TMEM114: variants seen among roughly 807,000 people sequenced by gnomAD.
TMEM114 encodes the protein claudin-26.
TMEM114 carries 6 observed loss-of-function variants against 6.2 expected under a neutral mutation model. The ratio of observed to expected loss-of-function variants is 0.97; its 90% CI spans 0.53 to 1.91. The LOEUF is 1.91. TMEM114 is among the 40% of genes most tolerant of loss of function. The probability of loss-of-function intolerance (pLI) is 0.01; values close to 1 mark genes in which losing one functional copy is unlikely to be tolerated. For synonymous variants in TMEM114, 104 were observed against 73.0 expected (o/e 1.42, Z -2.16); for missense variants, 218 against 158.3 (o/e 1.38, Z -2.02).
intron 2 of TMEM114, among the ~76,000 whole-genome samples, chr16:8,559,320 G>A (rs561022461): frequency 2.6e-5 from 4 of 152,362 alleles, no homozygotes; most frequent in East Asian, 3.9e-4. Context: ...TGGGATTATA[G>A]GCGTGAGCCG....
At chr16:8,534,390 T>C (rs113779008), downstream of TMEM114, among the ~76,000 whole-genome samples, 79 of 151,906 alleles carry the variant, frequency 5.2e-4, no homozygotes, top group African/African-American at 1.9e-3. Flanking sequence ...TTTATAGCTA[T>C]CACTTATCAT....
At chr16:8,527,822 G>C in the TMEM114 span, among the ~76,000 whole-genome samples, 1 of 152,138 alleles carries the variant, frequency 6.6e-6, no homozygotes, top group Non-Finnish European at 1.5e-5. Flanking sequence ...TGTGGAGTTT[G>C]GGTCTGTGAG....
chr16:8,563,105 ATGAG>A (rs1280011596), intron 2 of TMEM114, among the ~76,000 whole-genome samples: 4 of 148,736 alleles, frequency 2.7e-5, no homozygotes, highest in Admixed American at 1.3e-4. Context: ...GAGGGAGGGA[ATGAG>A]TGAGTGAATG....
chr16:8,544,689 A>G (rs1900608596), intron 2 of TMEM114, among the ~76,000 whole-genome samples: 1 of 152,198 alleles, frequency 6.6e-6, no homozygotes, highest in Non-Finnish European at 1.5e-5. Context: ...CAGTGTTCAG[A>G]GATTTCATGG....
intron 2 of TMEM114, among the ~76,000 whole-genome samples, chr16:8,584,934 A>G (rs1902270171): frequency 6.6e-6 from 1 of 151,396 alleles, no homozygotes; most frequent in Admixed American, 6.6e-5. Context: ...AAAAAAAAAA[A>G]AAAAAAAAGA....
intron 2 of TMEM114, among the ~76,000 whole-genome samples, chr16:8,548,901 C>T (rs115760518): frequency 0.01 from 1,558 of 152,140 alleles, 35 homozygotes; most frequent in African/African-American, 0.035. Context: ...TGCATGATCT[C>T]GCCAGGCGCA....
intron 2 of TMEM114, among the ~76,000 whole-genome samples, chr16:8,558,992 C>T (rs1292972148): frequency 1.3e-5 from 2 of 151,788 alleles, no homozygotes; most frequent in Non-Finnish European, 2.9e-5. Context: ...ATCCACCCAC[C>T]TCAGCCTCCC....
downstream of TMEM114, among the ~76,000 whole-genome samples, chr16:8,566,897 G>GTT (rs71150402): frequency 0.14 from 13,322 of 98,114 alleles, 1,687 homozygotes; most frequent in African/African-American, 0.18. Context: ...CATCACCCTG[G>GTT]TTTTTTTTTT....
At chr16:8,538,546 C>T (rs1457042994) in intron 2 of TMEM114, among the ~76,000 whole-genome samples, 2 of 151,748 alleles carry the variant, frequency 1.3e-5, no homozygotes, top group Non-Finnish European at 2.9e-5. Flanking sequence ...CTTGCTCTGT[C>T]GCCCAGGCTG....
At chr16:8,533,332 G>A (rs180835456), downstream of TMEM114, among the ~76,000 whole-genome samples, 14 of 152,336 alleles carry the variant, frequency 9.2e-5, 1 homozygote, top group African/African-American at 3.1e-4. Context: ...AGATCCCAAG[G>A]CAGAGTATTC....
At chr16:8,548,150 C>T (rs748330128) in intron 2 of TMEM114, among the ~76,000 whole-genome samples, 1 of 152,180 alleles carries the variant, frequency 6.6e-6, no homozygotes, top group Admixed American at 6.5e-5. Flanking sequence ...GAGTTTGAAT[C>T]TAAGCTCCCG....
the TMEM114 span, among the ~76,000 whole-genome samples, chr16:8,527,002 G>A: frequency 6.6e-6 from 1 of 152,180 alleles, no homozygotes; most frequent in Non-Finnish European, 1.5e-5. Flanking sequence ...GAGGTCAGGA[G>A]CTCAAGACCA....
At position 8,572,286 on chromosome 16, in the gene TMEM114, A is replaced by G. The variant is rs959247585; in HGVS notation, c.302-62T>C. The G allele has an allele frequency of 1.3e-5, 20 of 1,540,786 alleles. No individual in the cohort carries two copies. The African/African-American group carries it at 2.7e-4, about 21-fold the overall frequency. ...GTTACTAACATCCTTCATTCAATCA[A>G]CAAACACTTCCCGAGCACCTACTAG... On this transcript the variant is annotated intron_variant, in intron 2 of 3. Transcript: ENST00000620492.
chr16:8,557,203 A>G (rs965423010), intron 2 of TMEM114, among the ~76,000 whole-genome samples: 2 of 152,134 alleles, frequency 1.3e-5, no homozygotes, highest in Non-Finnish European at 2.9e-5. Flanking sequence ...AACAGGCTGT[A>G]ACTGTGGCAG....
intron 2 of TMEM114, 84 bp downstream of exon 2, chr16:8,589,129 G>A: frequency 2.5e-6 from 1 of 397,822 alleles, no homozygotes; most frequent in Admixed American, 4.4e-5. Context: ...CGCAGGCCCC[G>A]AAGCCCGGCT....
chr16:8,571,102 G>T (rs1302237298), intron 3 of TMEM114, among the ~76,000 whole-genome samples: 1 of 148,382 alleles, frequency 6.7e-6, no homozygotes, highest in Non-Finnish European at 1.5e-5. Flanking sequence ...TTCCAAGGGA[G>T]CATGTCATCA....
chr16:8,531,032 G>C, the TMEM114 span, among the ~76,000 whole-genome samples: 1 of 151,930 alleles, frequency 6.6e-6, no homozygotes, highest in Non-Finnish European at 1.5e-5. Context: ...TCAAAAAACA[G>C]GACGGAGGGA....
chr16:8,551,482 T>C (rs1457725080), intron 2 of TMEM114, among the ~76,000 whole-genome samples: 2 of 152,136 alleles, frequency 1.3e-5, no homozygotes, highest in Non-Finnish European at 2.9e-5. Context: ...CCAAATTAGG[T>C]GAGCATTGCA....
chr16:8,542,308 A>G (rs1221384741), intron 2 of TMEM114, among the ~76,000 whole-genome samples: 2 of 152,174 alleles, frequency 1.3e-5, no homozygotes. Flanking sequence ...AACATCTTAC[A>G]AGAGATGTTT....
Sources: gnomAD v4.1 joint callset for allele counts (sites outside exome capture counted in the v4.1 genomes callset) on GRCh38, gnomAD v4.1.1 for gene constraint, MANE v1.5 for transcripts, NCBI Gene and HGNC (gene_info 2026-07-23, HGNC 2026-07-21) for gene names.